Variants in PRELID2 observed in about 807,000 individuals in gnomAD.
The protein encoded by PRELID2 is PRELI domain-containing protein 2.
In PRELID2, 25 loss-of-function variants were observed where a neutral mutation model predicts 28.4. The ratio of observed to expected loss-of-function variants is 0.88; its 90% confidence interval spans 0.64 to 1.23. PRELID2 has a LOEUF of 1.23. Among genes scored for constraint, PRELID2 ranks in the 50% most tolerant of loss-of-function variants. PRELID2 has a pLI of 0.00. For synonymous variants in PRELID2, 76 were observed against 71.6 expected, an observed-to-expected ratio of 1.06 and a Z score of -0.31; for missense variants, 201 against 214.4, an observed-to-expected ratio of 0.94 and a Z score of 0.39.
the PRELID2 span, among the ~76,000 whole-genome samples, chr5:145,248,812 A>T: frequency 6.6e-6 from 1 of 152,002 alleles, no homozygotes; most frequent in Non-Finnish European, 1.5e-5. Flanking sequence ...GAAAAAAATC[A>T]CGTAAGTTTT....
At chr5:145,238,110 T>C in the PRELID2 span, among the ~76,000 whole-genome samples, 2 of 152,076 alleles carry the variant, frequency 1.3e-5, no homozygotes, top group African/African-American at 4.8e-5. Context: ...TAGAGTTCAC[T>C]GTAACAAGTT....
Position 145,740,901 on chromosome 5 carries a change from A to AATATATATGTACATATATTTATCGAT in PRELID2, n.70+24004_70+24029dup, listed in dbSNP as rs1561566983. 8.0e-5 allele frequency among the ~76,000 whole-genome samples: 7 copies of AATATATATGTACATATATTTATCGAT among 87,844 alleles called. 1 individual carries two copies. Among genetic ancestry groups the AATATATATGTACATATATTTATCGAT allele is most frequent in the African/African-American group, 2.8e-4 (7 of 24,686 alleles). The allele number at this position is 87,844 out of a possible 152,430, so 57.6% of individuals were successfully genotyped here. A position where few individuals can be genotyped will look rare whatever the true frequency, so the allele number is the denominator to read the frequency against. On this transcript the variant is annotated intron_variant and non_coding_transcript_variant, in intron 1 of 2. Transcript: ENST00000510259. Reference sequence around the variant, plus strand: ...ATATATGTACATATATTTATCGATAAATATATATGTACATATATTTATCGA... The same window carrying AATATATATGTACATATATTTATCGAT: ...ATATATGTACATATATTTATCGATAAATATATATGTACATATATTTATCGATATATATATGTACATATATTTATCGA...
intron 4 of PRELID2, among the ~76,000 whole-genome samples, chr5:145,815,976 C>T (rs972133800): frequency 4.0e-5 from 6 of 150,644 alleles, no homozygotes; most frequent in African/African-American, 1.5e-4. Flanking sequence ...ATCTGAAAAA[C>T]TGTTCTCCAA....
In PRELID2 at chr5:145,756,690, C is replaced by T. The variant is rs2149756522; in HGVS notation, c.*3846G>A. On this transcript the variant is annotated 3_prime_UTR_variant, in exon 7 of 7. Coordinates refer to ENST00000683046, the MANE Select transcript of PRELID2 (RefSeq NM_205846.3). ...AGCCACTGAAATAATGTCACCAAGT[C>T]AATGTAGCAAAGTACATTCATTTTT... 6.6e-6 allele frequency among the ~76,000 whole-genome samples: 1 copy of T among 152,324 alleles called. No individual in the cohort carries two copies. Among genetic ancestry groups the T allele is most frequent in the Admixed American group, 6.5e-5 (1 of 15,300 alleles).
chr5:145,466,142 T>A, the PRELID2 span, among the ~76,000 whole-genome samples: 84 of 152,138 alleles, frequency 5.5e-4, no homozygotes, highest in African/African-American at 2.0e-3. Flanking sequence ...AGCTGAACAG[T>A]TTAACAGTTG....
At position 145,819,965 on chromosome 5, in the gene PRELID2, C is replaced by T; in HGVS notation, c.187G>A (p.Val63Ile). The change falls in exon 3 of 7, where the codon GTT (valine) becomes ATT (isoleucine). Residue 63 changes from valine to isoleucine, a missense_variant. Coordinates refer to ENST00000683046, the MANE Select transcript of PRELID2 (RefSeq NM_205846.3). ...CTTACCTTCCTTAAAATTTCTGGAA[C>T]CACGTTCTGACAGATTGCAATCCTC... ...RKRIAICQNV[V>I]PEILRKVSIL... The T allele has an allele frequency of 3.7e-6, 6 of 1,606,646 alleles. No individual in the cohort carries two copies. Among genetic ancestry groups the T allele is most frequent in the East Asian group, 2.2e-5 (1 of 44,762 alleles).
intron 1 of PRELID2, among the ~76,000 whole-genome samples, chr5:145,646,961 C>G (rs1045113591): frequency 6.6e-6 from 1 of 152,204 alleles, no homozygotes; most frequent in Non-Finnish European, 1.5e-5. Flanking sequence ...TCAGCCCCCA[C>G]TGGGAGGTGT....
intron 1 of PRELID2, among the ~76,000 whole-genome samples, chr5:145,611,489 A>G (rs1753616117): frequency 6.6e-6 from 1 of 152,196 alleles, no homozygotes; most frequent in Non-Finnish European, 1.5e-5. Context: ...TACTTGCAAT[A>G]CCATAACCCA....
At chr5:145,674,526 T>A (rs566105213) in intron 1 of PRELID2, among the ~76,000 whole-genome samples, 1 of 152,324 alleles carries the variant, frequency 6.6e-6, no homozygotes, top group Admixed American at 6.5e-5. Context: ...TGAAATTAGT[T>A]GGGAAAAGAT....
intron 1 of PRELID2, among the ~76,000 whole-genome samples, chr5:145,509,508 A>G (rs1752442629): frequency 6.6e-6 from 1 of 152,162 alleles, no homozygotes; most frequent in Non-Finnish European, 1.5e-5. Context: ...CCCATTATCC[A>G]GGCTGCCTGG....
At chr5:145,262,303 A>G in the PRELID2 span, among the ~76,000 whole-genome samples, 8 of 152,214 alleles carry the variant, frequency 5.3e-5, no homozygotes, top group South Asian at 1.7e-3. Flanking sequence ...CTTCCTAGAG[A>G]GCTAGACATC....
intron 1 of PRELID2, among the ~76,000 whole-genome samples, chr5:145,635,177 G>A (rs1390437025): frequency 6.6e-6 from 1 of 152,136 alleles, no homozygotes; most frequent in African/African-American, 2.4e-5. Flanking sequence ...GCACTTTGGG[G>A]TTTTTGTCTA....
chr5:145,587,368 C>G (rs537984424), intron 1 of PRELID2, among the ~76,000 whole-genome samples: 5 of 152,074 alleles, frequency 3.3e-5, no homozygotes, highest in Non-Finnish European at 5.9e-5. Flanking sequence ...CCTTCGGGCC[C>G]GGGTGGCTGG....
At chr5:145,645,982 A>T (rs1369573524) in intron 1 of PRELID2, among the ~76,000 whole-genome samples, 1 of 151,648 alleles carries the variant, frequency 6.6e-6, no homozygotes, top group African/African-American at 2.4e-5. Flanking sequence ...CTTCACTTCA[A>T]CCTTGGTGAA....
intron 1 of PRELID2, among the ~76,000 whole-genome samples, chr5:145,726,235 A>AGGAAGGAGGGAGGGAGGGAGGGAGG (rs1561559789): frequency 1.1e-5 from 1 of 91,130 alleles, no homozygotes; most frequent in African/African-American, 4.9e-5. Flanking sequence ...GAAGGAAGGA[A>AGGAAGGAGGGAGGGAGGGAGGGAGG]GGAGGGAGGG....
intron 1 of PRELID2, among the ~76,000 whole-genome samples, chr5:145,523,987 C>T (rs1419350959): frequency 6.6e-6 from 1 of 152,090 alleles, no homozygotes; most frequent in Non-Finnish European, 1.5e-5. Flanking sequence ...CTTTCTTATT[C>T]TGCTAACGTC....
chr5:145,502,743 ATTAG>A (rs904523752), intron 1 of PRELID2, among the ~76,000 whole-genome samples: 7 of 152,134 alleles, frequency 4.6e-5, no homozygotes, highest in African/African-American at 1.4e-4. Context: ...GAGCACATTA[ATTAG>A]TTAATTAATT....
chr5:145,637,233 A>G (rs148128635), intron 1 of PRELID2, among the ~76,000 whole-genome samples: 88 of 152,366 alleles, frequency 5.8e-4, no homozygotes, highest in Middle Eastern at 3.4e-3. Flanking sequence ...CAGACATTTT[A>G]CATGCATTAT....
rs1008435013 is a variant in PRELID2 at position 145,694,089 on chromosome 5, C to G, written n.70+70842G>C. 2.0e-5 allele frequency among the ~76,000 whole-genome samples: 3 copies of G among 152,248 alleles called. No homozygotes were observed. The South Asian group carries it at 6.2e-4, about 32-fold the overall frequency. ...CTCCTCTGTAAAATGAGGGCAAATA[C>G]TAGGACCTAGAGCATAAATTTGTTG... is the stretch of plus-strand genomic sequence containing the variant. On this transcript the variant is annotated intron_variant and non_coding_transcript_variant, in intron 1 of 2. Coordinates refer to the PRELID2 transcript ENST00000510259.
Sources: gnomAD v4.1 joint callset for allele counts (sites outside exome capture counted in the v4.1 genomes callset) on GRCh38, gnomAD v4.1.1 for gene constraint, MANE v1.5 for transcripts, NCBI Gene and HGNC (gene_info 2026-07-23, HGNC 2026-07-21) for gene names.